Variants in KLF12 observed in about 807,000 individuals in gnomAD.
The protein encoded by KLF12 is KLF transcription factor 12, also known as Krueppel-like factor 12.
KLF12 carries 9 observed loss-of-function variants against 37.8 expected under a neutral mutation model. The ratio of observed to expected loss-of-function variants is 0.24; its 90% CI spans 0.14 to 0.42. KLF12 has a LOEUF of 0.42. KLF12 is among the 10% of genes least tolerant of loss of function. The probability of loss-of-function intolerance (pLI) is 1.00; values close to 1 mark genes in which losing one functional copy is unlikely to be tolerated. For synonymous variants in KLF12, 208 were observed against 202.1 expected, an observed-to-expected ratio of 1.03 and a Z score of -0.25; for missense variants, 411 against 516.0, an observed-to-expected ratio of 0.80 and a Z score of 1.97.
the KLF12 span, among the ~76,000 whole-genome samples, chr13:74,283,507 C>T: frequency 1.3e-5 from 2 of 152,256 alleles, no homozygotes; most frequent in East Asian, 3.9e-4. Context: ...TAAAGATACC[C>T]ACTACATTCC....
chr13:74,031,153 T>C (rs755221316), intron 1 of KLF12, among the ~76,000 whole-genome samples: 24 of 152,116 alleles, frequency 1.6e-4, no homozygotes, highest in Non-Finnish European at 1.3e-4. Context: ...TCAAAGCCCA[T>C]CTTTTTGCTC....
At chr13:73,776,956 C>T (rs1010302046) in intron 5 of KLF12, among the ~76,000 whole-genome samples, 6 of 151,888 alleles carry the variant, frequency 4.0e-5, no homozygotes, top group African/African-American at 1.5e-4. Flanking sequence ...GACAACAGTC[C>T]AATTGGGGAA....
chr13:74,267,013 T>C, the KLF12 span, among the ~76,000 whole-genome samples: 1 of 152,170 alleles, frequency 6.6e-6, no homozygotes, highest in African/African-American at 2.4e-5. Context: ...CAAGAGTCTC[T>C]TAAGGTTCAG....
intron 3 of KLF12, among the ~76,000 whole-genome samples, chr13:73,908,718 G>T (rs1189008439): frequency 6.6e-6 from 1 of 152,064 alleles, no homozygotes; most frequent in African/African-American, 2.4e-5. Context: ...GACCTCAGGT[G>T]ATCTGCCCGC....
At chr13:73,701,775 C>T (rs987702668) in intron 7 of KLF12, among the ~76,000 whole-genome samples, 1 of 152,022 alleles carries the variant, frequency 6.6e-6, no homozygotes, top group Non-Finnish European at 1.5e-5. Flanking sequence ...TCTAGGTCTT[C>T]AATTCTGAAG....
intron 6 of KLF12, among the ~76,000 whole-genome samples, chr13:73,746,117 T>G (rs1277114780): frequency 6.6e-6 from 1 of 151,768 alleles, no homozygotes; most frequent in African/African-American, 2.4e-5. Context: ...TGTGTATATG[T>G]ACATGTGGGC....
chr13:73,886,870 T>C (rs1887246647), intron 3 of KLF12, among the ~76,000 whole-genome samples: 1 of 151,532 alleles, frequency 6.6e-6, no homozygotes, highest in Admixed American at 6.6e-5. Context: ...CGCATGCCTG[T>C]AATCCCAGCT....
At chr13:74,255,914 G>T in the KLF12 span, among the ~76,000 whole-genome samples, 2 of 152,138 alleles carry the variant, frequency 1.3e-5, no homozygotes, top group African/African-American at 4.8e-5. Context: ...CCAGCACTTT[G>T]GGAGGCTGAG....
At chr13:74,192,021 T>C in the KLF12 span, among the ~76,000 whole-genome samples, 2 of 152,182 alleles carry the variant, frequency 1.3e-5, no homozygotes, top group Non-Finnish European at 2.9e-5. Context: ...TTTAGGTTTA[T>C]GGCTCATACC....
At chr13:73,763,393 G>T (rs1879696049) in intron 6 of KLF12, among the ~76,000 whole-genome samples, 2 of 152,048 alleles carry the variant, frequency 1.3e-5, no homozygotes, top group South Asian at 4.1e-4. Flanking sequence ...CTAATCTAGT[G>T]CTTCTTACAG....
At chr13:74,079,252 G>A (rs541615339) in intron 1 of KLF12, among the ~76,000 whole-genome samples, 18 of 152,122 alleles carry the variant, frequency 1.2e-4, no homozygotes, top group Non-Finnish European at 2.4e-4. Context: ...ACTGTCCAAT[G>A]GGTAAAGAGA....
At chr13:73,781,090 A>C (rs980768624) in intron 5 of KLF12, among the ~76,000 whole-genome samples, 4 of 152,216 alleles carry the variant, frequency 2.6e-5, no homozygotes, top group African/African-American at 9.6e-5. Context: ...GTCAGTCTTC[A>C]GAGGGTCATA....
At chr13:73,963,318 C>CGT (rs1035156406) in intron 2 of KLF12, among the ~76,000 whole-genome samples, 5 of 113,176 alleles carry the variant, frequency 4.4e-5, no homozygotes, top group African/African-American at 1.2e-4. Flanking sequence ...CACACACACA[C>CGT]ACGTATATAT....
intron 2 of KLF12, among the ~76,000 whole-genome samples, chr13:73,945,956 G>T (rs1213933900): frequency 1.3e-5 from 2 of 152,106 alleles, no homozygotes; most frequent in South Asian, 2.1e-4. Flanking sequence ...TTTTCACATG[G>T]GGCAGGGATC....
At chr13:74,257,832 C>T in the KLF12 span, 1 of 152,164 alleles carries the variant, frequency 6.6e-6, no homozygotes, top group Non-Finnish European at 1.5e-5. Context: ...TCAGCTCAAA[C>T]TCATCTTTCC....
the KLF12 span, among the ~76,000 whole-genome samples, chr13:74,188,793 C>T: frequency 6.6e-6 from 1 of 152,094 alleles, no homozygotes; most frequent in East Asian, 1.9e-4. Context: ...GCCAGGAGTT[C>T]AAGACCAGCC....
intron 1 of KLF12, among the ~76,000 whole-genome samples, chr13:74,036,223 C>G (rs1043713111): frequency 1.3e-5 from 2 of 152,146 alleles, no homozygotes; most frequent in Admixed American, 6.5e-5. Context: ...ATTCCATGGC[C>G]TATTTTGCAT....
intron 1 of KLF12, among the ~76,000 whole-genome samples, chr13:74,038,701 T>C (rs185371668): frequency 7.8e-4 from 119 of 152,302 alleles, no homozygotes; most frequent in African/African-American, 2.6e-3. Context: ...TTTGCTGAAG[T>C]TATTTCTAAC....
chr13:74,071,931 T>TG (rs949550936), intron 1 of KLF12, among the ~76,000 whole-genome samples: 4 of 152,066 alleles, frequency 2.6e-5, no homozygotes, highest in Non-Finnish European at 4.4e-5. Flanking sequence ...AGAGTGTTAG[T>TG]GTAATGTAAT....
Sources: gnomAD v4.1 joint callset for allele counts (sites outside exome capture counted in the v4.1 genomes callset) on GRCh38, gnomAD v4.1.1 for gene constraint, MANE v1.5 for transcripts, NCBI Gene and HGNC (gene_info 2026-07-23, HGNC 2026-07-21) for gene names.